Variants in AARS2 observed in about 807,000 individuals in gnomAD.
AARS2 encodes the protein alanyl-tRNA synthetase 2, mitochondrial, also known as alanine--tRNA ligase, mitochondrial.
In AARS2, 78 loss-of-function variants were observed where a neutral mutation model predicts 119.7. The observed-to-expected ratio is 0.65, with a 90% confidence interval of 0.54 to 0.79. AARS2 has a LOEUF of 0.79. Among genes scored for constraint, AARS2 ranks in the 30% least tolerant of loss-of-function variants. The pLI, the probability that AARS2 is intolerant of heterozygous loss-of-function variation, is 0.00. For missense variants in AARS2, 1,157 were observed against 1,291.3 expected, an observed-to-expected ratio of 0.90 and a Z score of 1.59; for synonymous variants, 502 against 526.3, an observed-to-expected ratio of 0.95 and a Z score of 0.63.
Position 44,299,712 on chromosome 6 carries a change from T to C in AARS2, c.*835A>G, listed in dbSNP as rs1785203418. On this transcript the variant is annotated 3_prime_UTR_variant, in exon 22 of 22. Coordinates refer to ENST00000244571, the MANE Select transcript of AARS2 (RefSeq NM_020745.4). ...AATTTAAATTAGAGGTCATTGTTAA[T>C]GAAAGAAGTAATAGCAAAGAAGGTC... 6.6e-6 allele frequency: 1 copy of C among 152,176 alleles called. No individual in the cohort carries two copies. The highest frequency in any genetic ancestry group is 6.5e-5 in the Admixed American group (1 of 15,286). 9.4% of individuals were successfully genotyped at this position (152,176 alleles called of 1,614,324 possible).
chr6:44,302,797 C>T lies in AARS2; in HGVS notation c.2364+5G>A, dbSNP rs1346514394. 6.2e-7 allele frequency: 1 copy of T among 1,612,368 alleles called. No individual in the cohort carries two copies. Among genetic ancestry groups the T allele is most frequent in the Admixed American group, 1.7e-5 (1 of 59,848 alleles). On this transcript the variant is annotated splice_donor_5th_base_variant and intron_variant, in intron 17 of 21. Transcript: ENST00000244571. ...CAGAAGTCCCAGGCCTACTGGCATGCTGACCTGCTGGGCCTGCTCCCCAGT... is the reference window on the plus strand; with the variant it reads ...CAGAAGTCCCAGGCCTACTGGCATGTTGACCTGCTGGGCCTGCTCCCCAGT...
At position 44,299,221 on chromosome 6, in the gene AARS2, T is replaced by C. The variant is rs370057942; in HGVS notation, c.*1326A>G. Among the ~76,000 whole-genome samples, 164 of 151,228 alleles carry C rather than the reference T, an allele frequency of 1.1e-3. No homozygotes were observed. The highest frequency in any genetic ancestry group is 1.9e-3 in the Non-Finnish European group (130 of 67,850). On this transcript the variant is annotated 3_prime_UTR_variant, in exon 22 of 22. Transcript: ENST00000244571. ...CACACTCCTGATCCCCATTCTCTAT[T>C]TCCCCCCCAGACCTCATCACCATCT...
In AARS2 at chr6:44,313,284, G is replaced by C; in HGVS notation, c.40C>G (p.Arg14Gly). ...SVAAAARRLR[R>G]AIRRSPAWRG... ...CATGCGGGCGACCTTCGAATGGCCC[G>C]CCGCAGCCTCCGGGCTGCAGCTGCC... The change falls in exon 1 of 22, where the codon CGG becomes GGG. Residue 14 changes from arginine (R) to glycine (G), a missense_variant. Arg to Gly is a moderately radical substitution (Grantham distance 125). Transcript: ENST00000244571. 1 of 1,598,626 alleles carries C rather than the reference G, an allele frequency of 6.3e-7. No homozygotes were observed. The highest frequency in any genetic ancestry group is 8.5e-7 in the Non-Finnish European group (1 of 1,176,500).
At position 44,307,042 on chromosome 6, in the gene AARS2, T is replaced by A; in HGVS notation, c.1041-11A>T. 1 of 1,613,944 alleles carries A rather than the reference T, an allele frequency of 6.2e-7. No individual in the cohort carries two copies. Among genetic ancestry groups the A allele is most frequent in the Non-Finnish European group, 8.5e-7 (1 of 1,179,908 alleles). Reference sequence around the variant, plus strand: ...CGACGAAGAACCAGCCTAAAGGGGTTCAGAGCCCAGACATGAATCCCCAGC... The same window carrying A: ...CGACGAAGAACCAGCCTAAAGGGGTACAGAGCCCAGACATGAATCCCCAGC... On this transcript the variant is annotated splice_polypyrimidine_tract_variant and intron_variant, in intron 6 of 21. Transcript: ENST00000244571. The surrounding 1 kb of genome is among the most constrained non-coding windows in gnomAD (Gnocchi z 4.4).
Position 44,307,303 on chromosome 6 carries a change from C to G in AARS2, c.986G>C (p.Arg329Pro). The stretch of plus-strand genomic sequence containing the variant: ...ATCAGAGATGCAGACACTGAGTGTG[C>G]GGATGTGGTCAGCCACCACGCGGTA... Reference protein sequence around the residue: ...TAYRVVADHIRTLSVCISDGI... With the variant: ...TAYRVVADHIPTLSVCISDGI... The change falls in exon 6 of 22, where the codon CGC becomes CCC. Residue 329 changes from arginine to proline, a missense_variant. Physicochemically the swap from Arg to Pro is moderately radical, Grantham distance 103. Transcript: ENST00000244571. The surrounding 1 kb of genome is among the most constrained non-coding windows in gnomAD (Gnocchi z 4.4). 1 of 1,613,830 alleles carries G rather than the reference C, an allele frequency of 6.2e-7. No individual in the cohort carries two copies. The highest frequency in any genetic ancestry group is 1.7e-5 in the Admixed American group (1 of 59,988).
intron 19 of AARS2, 147 bp downstream of exon 19, chr6:44,301,913 T>C: frequency 2.5e-6 from 2 of 804,944 alleles, no homozygotes; most frequent in South Asian, 1.5e-5. Context: ...GCCTGGGTGA[T>C]GGTTCTCAGC....
rs1583046454 is a variant in AARS2, at chr6:44,299,433, AC to A, written c.*1113del. Among the ~76,000 whole-genome samples, 1 of 148,592 alleles carries A rather than the reference AC, an allele frequency of 6.7e-6. No homozygotes were observed. Among genetic ancestry groups the A allele is most frequent in the East Asian group, 2.0e-4 (1 of 4,974 alleles). On this transcript the variant is annotated 3_prime_UTR_variant, in exon 22 of 22. Coordinates refer to ENST00000244571, the MANE Select transcript of AARS2 (RefSeq NM_020745.4). ...CCTGGGAGGCTGAGGCATAAAGATT[AC>A]TTTTTTTTTTTTTTGTAGACAGGGT...
In AARS2 at chr6:44,305,263, G is replaced by A; in HGVS notation, c.1435-65C>T. On this transcript the variant is annotated intron_variant, in intron 10 of 21. Transcript: ENST00000244571. The surrounding 1 kb of genome is among the most constrained non-coding windows in gnomAD (Gnocchi z 4.6). ...ATGAAAGAATGAAAGTGGGACTTCAGCCTCGCAGGGCCCTGTCCCTGCCAC... is the reference window on the plus strand; with the variant it reads ...ATGAAAGAATGAAAGTGGGACTTCAACCTCGCAGGGCCCTGTCCCTGCCAC... The A allele has an allele frequency of 6.3e-7, 1 of 1,593,382 alleles. No homozygotes were observed.
chr6:44,306,489 A>G lies in AARS2; in HGVS notation c.1188+5T>C. On this transcript the variant is annotated splice_donor_5th_base_variant and intron_variant, in intron 8 of 21. Coordinates refer to ENST00000244571, the MANE Select transcript of AARS2 (RefSeq NM_020745.4). ...ACCCCTTTCTCTCCCACTGGAATCCAGTACCTGGGCTGAGTTCCTTTGCAG... is the reference window on the plus strand; with the variant it reads ...ACCCCTTTCTCTCCCACTGGAATCCGGTACCTGGGCTGAGTTCCTTTGCAG... 1.9e-6 allele frequency: 3 copies of G among 1,614,158 alleles called. 1 individual carries two copies. The highest frequency in any genetic ancestry group is 3.3e-4 in the Middle Eastern group (2 of 6,062).
intron 14 of AARS2, among the ~76,000 whole-genome samples, chr6:44,303,819 G>T (rs1225480904): frequency 6.6e-6 from 1 of 152,246 alleles, no homozygotes; most frequent in Non-Finnish European, 1.5e-5. Flanking sequence ...AGCCAGATGT[G>T]TAAGAAGCGC....
At position 44,300,505 on chromosome 6, in the gene AARS2, G is replaced by A; in HGVS notation, c.*42C>T. 1 of 1,613,248 alleles carries A rather than the reference G, an allele frequency of 6.2e-7. No homozygotes were observed. Among genetic ancestry groups the A allele is most frequent in the Non-Finnish European group, 8.5e-7 (1 of 1,179,734 alleles). ...TTCTGCTGGCTCCTTCAGGGCTCCTGGCATTGCCTTTAGTCCATGTGGGTC... is the reference window on the plus strand; with the variant it reads ...TTCTGCTGGCTCCTTCAGGGCTCCTAGCATTGCCTTTAGTCCATGTGGGTC... On this transcript the variant is annotated 3_prime_UTR_variant, in exon 22 of 22. Coordinates refer to ENST00000244571, the MANE Select transcript of AARS2 (RefSeq NM_020745.4).
rs375562025 is a variant in AARS2, at chr6:44,302,182, A to G, written c.2488-12T>C. ...GCAGTTTCCACAGCCTATGGCCAGA[A>G]GCAGTACATCACCCCTGCCCTTCCC... On this transcript the variant is annotated splice_polypyrimidine_tract_variant and intron_variant, in intron 18 of 21. Coordinates refer to ENST00000244571, the MANE Select transcript of AARS2 (RefSeq NM_020745.4). The G allele has an allele frequency of 9.9e-6, 16 of 1,613,982 alleles. 1 individual carries two copies. The Middle Eastern group carries it at 4.9e-4, about 50-fold the overall frequency.
rs4714775 is a variant in AARS2 at position 44,300,206 on chromosome 6, C to T, written c.*341G>A. Reference sequence around the variant, plus strand: ...ATGTTAGCCAGGATGGTTTTGATCTCCTGACCTCATGATCTACCTGCCTCG... The same window carrying T: ...ATGTTAGCCAGGATGGTTTTGATCTTCTGACCTCATGATCTACCTGCCTCG... On this transcript the variant is annotated 3_prime_UTR_variant, in exon 22 of 22. Coordinates refer to ENST00000244571, the MANE Select transcript of AARS2 (RefSeq NM_020745.4). 0.93 allele frequency: 330,508 copies of T among 356,620 alleles called. 155,025 individuals are homozygous for T. Among genetic ancestry groups the T allele is most frequent in the East Asian group, 1 (15,153 of 15,182 alleles). The allele number at this position is 356,620 out of a possible 1,614,324, so 22.1% of individuals were successfully genotyped here.
intron 14 of AARS2, 34 bp from the exon 15 acceptor site, chr6:44,303,457 A>G: frequency 1.2e-6 from 2 of 1,613,658 alleles, no homozygotes; most frequent in Non-Finnish European, 1.7e-6. Context: ...AAAGACCAAC[A>G]TGCAGTCAGC....
chr6:44,309,152 C>T (rs1020949293), intron 5 of AARS2, among the ~76,000 whole-genome samples: 1 of 152,228 alleles, frequency 6.6e-6, no homozygotes, highest in Non-Finnish European at 1.5e-5. Context: ...CAACACTGTT[C>T]TGAGCCTATG....
chr6:44,309,791 G>T (rs369908898), intron 5 of AARS2, among the ~76,000 whole-genome samples: 1 of 152,074 alleles, frequency 6.6e-6, no homozygotes, highest in Non-Finnish European at 1.5e-5. Context: ...TGCCTGGAAA[G>T]AACTTCCTGT....
intron 4 of AARS2, 119 bp from the exon 5 acceptor site, chr6:44,310,562 G>A (rs1166778750): frequency 6.7e-6 from 9 of 1,341,902 alleles, no homozygotes; most frequent in Non-Finnish European, 9.3e-6. Context: ...GGAGGAACCA[G>A]ACAATCAGTA....
In AARS2 at chr6:44,307,955, T is replaced by G. The variant is rs139599263; in HGVS notation, c.895-561A>C. 8.5e-5 allele frequency among the ~76,000 whole-genome samples: 13 copies of G among 152,338 alleles called. No homozygotes were observed. The highest frequency in any genetic ancestry group is 6.2e-4 in the South Asian group (3 of 4,832). ...ACCAAACCTCTCTCTTCCCCAAGCT[T>G]CTTCGTCTAACAGTCATGCCATTCA... On this transcript the variant is annotated intron_variant, in intron 5 of 21. Transcript: ENST00000244571. The surrounding 1 kb of genome is among the most constrained non-coding windows in gnomAD (Gnocchi z 4.4).
At position 44,306,997 on chromosome 6, in the gene AARS2, G is replaced by A. The variant is rs780498207; in HGVS notation, c.1075C>T (p.Arg359Cys). 1.5e-5 allele frequency: 24 copies of A among 1,613,950 alleles called. No individual in the cohort carries two copies. The highest frequency in any genetic ancestry group is 4.4e-5 in the South Asian group (4 of 91,082). Residue 359 changes from arginine (R) to cysteine (C), a missense_variant, in exon 7 of 22, where the codon CGT becomes TGT. Coordinates refer to ENST00000244571, the MANE Select transcript of AARS2 (RefSeq NM_020745.4). ...VLRRILRRAV[R>C]FSMEILKAPP... is the part of the protein sequence containing the mutation. ...GCCTTTAAGATCTCCATGGAGAAACGCACAGCTCGACGCAGGATCCGACGA... is the reference window on the plus strand; with the variant it reads ...GCCTTTAAGATCTCCATGGAGAAACACACAGCTCGACGCAGGATCCGACGA...
Sources: gnomAD v4.1 joint callset for allele counts (sites outside exome capture counted in the v4.1 genomes callset) on GRCh38, gnomAD v4.1.1 for gene constraint, Gnocchi (gnomAD v3.1) non-coding constraint, MANE v1.5 for transcripts, NCBI Gene and HGNC (gene_info 2026-07-23, HGNC 2026-07-21) for gene names.